Variants in CNKSR3 observed in about 807,000 individuals in gnomAD.
CNKSR3 encodes the protein connector enhancer of kinase suppressor of ras 3.
In CNKSR3, 36 loss-of-function variants were observed where a neutral mutation model predicts 67.7. The ratio of observed to expected loss-of-function variants is 0.53; its 90% CI spans 0.41 to 0.70. The LOEUF (loss-of-function observed/expected upper bound fraction) is 0.70. Ranked by LOEUF, CNKSR3 falls within the 30% of genes least tolerant of loss-of-function variation. The probability of loss-of-function intolerance (pLI) is 0.00; values close to 1 mark genes in which losing one functional copy is unlikely to be tolerated. For synonymous variants in CNKSR3, 281 were observed against 271.4 expected (o/e 1.04, Z -0.35); for missense variants, 630 against 695.2 (o/e 0.91, Z 1.05).
chr6:154,391,159 T>C lies in CNKSR3; in HGVS notation c.*15195A>G, dbSNP rs1395402053. 1 of 152,224 alleles carries C rather than the reference T, an allele frequency of 6.6e-6. No homozygotes were observed. Among genetic ancestry groups the C allele is most frequent in the African/African-American group, 2.4e-5 (1 of 41,438 alleles). 9.4% of individuals were successfully genotyped at this position (152,224 alleles called of 1,614,324 possible). On this transcript the variant is annotated 3_prime_UTR_variant, in exon 13 of 13. Coordinates refer to ENST00000607772, the MANE Select transcript of CNKSR3 (RefSeq NM_173515.4). ...CTTCTCCCCGACTTCACATGGTCTTTCCTCCATGTGCATACATATCTGTGT... is the reference window on the plus strand; with the variant it reads ...CTTCTCCCCGACTTCACATGGTCTTCCCTCCATGTGCATACATATCTGTGT...
At chr6:154,411,532 A>C (rs1226132157) in intron 10 of CNKSR3, among the ~76,000 whole-genome samples, 1 of 151,040 alleles carries the variant, frequency 6.6e-6, no homozygotes, top group Non-Finnish European at 1.5e-5. Context: ...TACTTGGGAG[A>C]CTGAGGCAGG....
At chr6:154,456,639 G>A (rs1484899018) in intron 1 of CNKSR3, among the ~76,000 whole-genome samples, 1 of 143,058 alleles carries the variant, frequency 7.0e-6, no homozygotes, top group Non-Finnish European at 1.5e-5. Context: ...CCTGGGAGAT[G>A]GAGGTTGCAG....
intron 6 of CNKSR3, among the ~76,000 whole-genome samples, chr6:154,428,563 A>C (rs1785301396): frequency 6.6e-6 from 1 of 152,156 alleles, no homozygotes; most frequent in Admixed American, 6.6e-5. Flanking sequence ...AGTTGCCTAC[A>C]CTGGAGTGTA....
intron 12 of CNKSR3, among the ~76,000 whole-genome samples, chr6:154,406,939 G>A (rs541880963): frequency 6.8e-6 from 1 of 147,234 alleles, no homozygotes; most frequent in Non-Finnish European, 1.5e-5. Flanking sequence ...TTGACAGAGC[G>A]AGACTCTGTC....
rs186413618 is a variant in CNKSR3, at chr6:154,457,539, G to A, written c.53-7281C>T. Among the ~76,000 whole-genome samples, 50 of 152,244 alleles carry A rather than the reference G, an allele frequency of 3.3e-4. 1 individual carries two copies. The highest frequency in any genetic ancestry group is 3.0e-3 in the Admixed American group (46 of 15,294). On this transcript the variant is annotated intron_variant, in intron 1 of 12. Transcript: ENST00000607772. The stretch of plus-strand genomic sequence containing the variant: ...GTTCGAGAACAGCCTGGCCAACATA[G>A]TGAAACCCTGTCTCTACTAAAAATG...
intron 1 of CNKSR3, among the ~76,000 whole-genome samples, chr6:154,488,508 T>C (rs1014182101): frequency 6.6e-6 from 1 of 152,222 alleles, no homozygotes; most frequent in Non-Finnish European, 1.5e-5. Context: ...TTAAAGTTCA[T>C]CTTAAAATCT....
chr6:154,407,433 G>A (rs576989285), intron 12 of CNKSR3, among the ~76,000 whole-genome samples: 27 of 152,170 alleles, frequency 1.8e-4, no homozygotes, highest in Non-Finnish European at 3.4e-4. Context: ...CTTGTGAAGC[G>A]GAAATTCTAC....
At chr6:154,463,027 T>C (rs1252059430) in intron 1 of CNKSR3, among the ~76,000 whole-genome samples, 2 of 152,146 alleles carry the variant, frequency 1.3e-5, no homozygotes, top group Non-Finnish European at 2.9e-5. Flanking sequence ...ATCAATAAAG[T>C]TGTACAATTT....
intron 9 of CNKSR3, among the ~76,000 whole-genome samples, chr6:154,416,800 TCGC>T (rs1554231421): frequency 6.6e-6 from 1 of 152,188 alleles, no homozygotes; most frequent in Non-Finnish European, 1.5e-5. Context: ...CCTGGGCACA[TCGC>T]AAGAACACCT....
intron 7 of CNKSR3, among the ~76,000 whole-genome samples, chr6:154,425,224 C>T (rs35136539): frequency 0.28 from 42,897 of 152,166 alleles, 6,909 homozygotes; most frequent in Non-Finnish European, 0.38. Flanking sequence ...GCAAAGGATT[C>T]ATTTAAGATA....
intron 1 of CNKSR3, among the ~76,000 whole-genome samples, chr6:154,451,544 G>C (rs200393381): frequency 6.8e-5 from 1 of 14,720 alleles, no homozygotes; most frequent in East Asian, 0.014. Context: ...CACACGCACA[G>C]ATGCACACAC....
chr6:154,456,238 T>C (rs73574986), intron 1 of CNKSR3, among the ~76,000 whole-genome samples: 5,363 of 152,180 alleles, frequency 0.035, 260 homozygotes, highest in African/African-American at 0.11. Context: ...GTTCTTCCAA[T>C]GTTTTGCATT....
intron 1 of CNKSR3, among the ~76,000 whole-genome samples, chr6:154,508,082 G>C (rs1398515408): frequency 1.3e-5 from 2 of 152,110 alleles, no homozygotes; most frequent in Non-Finnish European, 2.9e-5. Context: ...CAGAGGCTCA[G>C]AAAAGCCAGG....
chr6:154,454,235 A>C (rs1307903335), intron 1 of CNKSR3, among the ~76,000 whole-genome samples: 1 of 152,186 alleles, frequency 6.6e-6, no homozygotes, highest in East Asian at 1.9e-4. Context: ...TAAAATGAGA[A>C]TACTAATACT....
At chr6:154,481,104 G>A (rs1315635387) in intron 1 of CNKSR3, among the ~76,000 whole-genome samples, 6 of 149,996 alleles carry the variant, frequency 4.0e-5, no homozygotes. Flanking sequence ...TATTTATTTT[G>A]CTTATGTATT....
intron 1 of CNKSR3, among the ~76,000 whole-genome samples, chr6:154,503,336 G>A (rs1286903732): frequency 6.6e-6 from 1 of 152,122 alleles, no homozygotes; most frequent in Non-Finnish European, 1.5e-5. Flanking sequence ...AAGGGGGGCA[G>A]GGGTTGGTCC....
intron 2 of CNKSR3, among the ~76,000 whole-genome samples, chr6:154,442,801 G>A (rs112567516): frequency 1.8e-4 from 28 of 152,158 alleles, no homozygotes; most frequent in Middle Eastern, 3.4e-3. Context: ...ACAGCCACCC[G>A]GGCCTCAGGG....
intron 9 of CNKSR3, among the ~76,000 whole-genome samples, chr6:154,418,791 A>G (rs1261914950): frequency 6.6e-6 from 1 of 152,192 alleles, no homozygotes; most frequent in East Asian, 1.9e-4. Context: ...AGCACAGGTG[A>G]CAAAAGCAAA....
chr6:154,396,381 T>C lies in CNKSR3; in HGVS notation c.*9973A>G, dbSNP rs576932759. On this transcript the variant is annotated 3_prime_UTR_variant, in exon 13 of 13. Transcript: ENST00000607772. ...AGAGCCAATGTAATAAAATTCTTTATGGAATAGTCTGCAAAATGCTTTAAT... is the reference window on the plus strand; with the variant it reads ...AGAGCCAATGTAATAAAATTCTTTACGGAATAGTCTGCAAAATGCTTTAAT... 1 of 152,180 alleles carries C rather than the reference T, an allele frequency of 6.6e-6. No individual in the cohort carries two copies. The allele number at this position is 152,180 out of a possible 1,614,324, so 9.4% of individuals were successfully genotyped here. A position where few individuals can be genotyped will look rare whatever the true frequency, so the allele number is the denominator to read the frequency against.
Sources: gnomAD v4.1 joint callset for allele counts (sites outside exome capture counted in the v4.1 genomes callset) on GRCh38, gnomAD v4.1.1 for gene constraint, MANE v1.5 for transcripts, NCBI Gene and HGNC (gene_info 2026-07-23, HGNC 2026-07-21) for gene names.